ADAT2: variants seen among roughly 807,000 people sequenced by gnomAD.
The protein encoded by ADAT2 is adenosine deaminase tRNA specific 2.
In ADAT2, 26 loss-of-function variants were observed where a neutral mutation model predicts 25.9. The observed-to-expected ratio is 1.00, with a 90% CI of 0.74 to 1.39. The LOEUF (loss-of-function observed/expected upper bound fraction) is 1.39. ADAT2 is among the 40% of genes most tolerant of loss of function. ADAT2 has a pLI of 0.00. For missense variants in ADAT2, 220 were observed against 244.8 expected, an observed-to-expected ratio of 0.90 and a Z score of 0.68; for synonymous variants, 76 against 86.8, an observed-to-expected ratio of 0.88 and a Z score of 0.69.
At position 143,442,463 on chromosome 6, in the gene ADAT2, G is replaced by C. The variant is rs74648879; in HGVS notation, c.97-3769C>G. ...ATACAAAGCTAAACATGACAAAATT[G>C]CATAGGCACGCATACACACACACAC... On this transcript the variant is annotated intron_variant, in intron 1 of 5. Transcript: ENST00000237283. This position sits in a 1 kb window ranked among gnomAD's most constrained non-coding sequence, Gnocchi z 4.6. Among the ~76,000 whole-genome samples the C allele has an allele frequency of 7.7e-6, 1 of 130,206 alleles. No homozygotes were observed. The highest frequency in any genetic ancestry group is 2.9e-5 in the African/African-American group (1 of 34,338). 85.4% of individuals were successfully genotyped at this position (130,206 alleles called of 152,430 possible). A position where few individuals can be genotyped will look rare whatever the true frequency, so the allele number is the denominator to read the frequency against.
Position 143,440,750 on chromosome 6 carries a change from G to T in ADAT2, c.97-2056C>A, listed in dbSNP as rs1250714278. On this transcript the variant is annotated intron_variant, in intron 1 of 5. Transcript: ENST00000237283. This position sits in a 1 kb window ranked among gnomAD's most constrained non-coding sequence, Gnocchi z 4.5. ...GCCAGGAAGAAGACGGACAGTTAAG[G>T]AGAATGGAAATGCTAACTACCAGTG... Among the ~76,000 whole-genome samples, 1 of 152,182 alleles carries T rather than the reference G, an allele frequency of 6.6e-6. No homozygotes were observed. Among genetic ancestry groups the T allele is most frequent in the Admixed American group, 6.5e-5 (1 of 15,280 alleles).
chr6:143,432,515 C>T lies in ADAT2; in HGVS notation c.449G>A (p.Arg150Lys). The change falls in exon 4 of 6, where the codon AGA (arginine) becomes AAA (lysine). Residue 150 changes from arginine to lysine, a missense_variant. By Grantham distance (26) the Arg-to-Lys change is conservative (BLOSUM62 2). Coordinates refer to ENST00000237283, the MANE Select transcript of ADAT2 (RefSeq NM_182503.3). The surrounding 1 kb of genome is among the most constrained non-coding windows in gnomAD (Gnocchi z 4.4). ...AGCAGTTTGTATTACCTGAAATGGTCTCCCAGTGTTTGGTAGGTCAGCAGA... is the reference window on the plus strand; with the variant it reads ...AGCAGTTTGTATTACCTGAAATGGTTTCCCAGTGTTTGGTAGGTCAGCAGA... ...IASADLPNTG[R>K]PFQCIPGYRA... The T allele has an allele frequency of 6.2e-7, 1 of 1,614,008 alleles. No individual in the cohort carries two copies.
chr6:143,425,734 TG>T lies in ADAT2; in HGVS notation c.*2728del, dbSNP rs1329345038. On this transcript the variant is annotated 3_prime_UTR_variant, in exon 6 of 6. Transcript: ENST00000237283. ...GTAAAGGGCCATGGTGTGTTGTGTT[TG>T]TGTGTGTGTGTGTGTGTGTGTGTGT... 48 of 4,604 alleles carry T rather than the reference TG, an allele frequency of 0.01. No homozygotes were observed. Among genetic ancestry groups the T allele is most frequent in the African/African-American group, 0.05 (47 of 934 alleles). The allele number at this position is 4,604 out of a possible 1,614,324, so 0.3% of individuals were successfully genotyped here.
intron 1 of ADAT2, 84 bp from the exon 2 acceptor site, chr6:143,438,778 G>C (rs1779369956): frequency 9.1e-7 from 1 of 1,099,212 alleles, no homozygotes; most frequent in Non-Finnish European, 1.4e-6. Context: ...GCATGAACAA[G>C]ATACACATGT....
At position 143,446,336 on chromosome 6, in the gene ADAT2, C is replaced by T. The variant is rs1779599880; in HGVS notation, c.96+4227G>A. Among the ~76,000 whole-genome samples, 1 of 152,016 alleles carries T rather than the reference C, an allele frequency of 6.6e-6. No individual in the cohort carries two copies. The highest frequency in any genetic ancestry group is 1.5e-5 in the Non-Finnish European group (1 of 68,008). On this transcript the variant is annotated intron_variant, in intron 1 of 5. Transcript: ENST00000237283. The surrounding 1 kb of genome is among the most constrained non-coding windows in gnomAD (Gnocchi z 5.0). ...TTGTAAAGGTTGTACAGTATTTCTC[C>T]TTATGAACATATCTGATTCAACCAA...
rs754159956 is a variant in ADAT2, at chr6:143,425,142, A to C, written c.*3321T>G. The stretch of plus-strand genomic sequence containing the variant: ...AAAAAAGAAGAAGAAAACAGAAAGG[A>C]GGCAAAATGACTGTATTATTTAAAA... On this transcript the variant is annotated 3_prime_UTR_variant, in exon 6 of 6. Coordinates refer to ENST00000237283, the MANE Select transcript of ADAT2 (RefSeq NM_182503.3). 4 of 152,218 alleles carry C rather than the reference A, an allele frequency of 2.6e-5. No homozygotes were observed. Among genetic ancestry groups the C allele is most frequent in the African/African-American group, 4.8e-5 (2 of 41,458 alleles). The allele number at this position is 152,218 out of a possible 1,614,324, so 9.4% of individuals were successfully genotyped here. A position where few individuals can be genotyped will look rare whatever the true frequency, so the allele number is the denominator to read the frequency against.
In ADAT2 at chr6:143,431,034, T is replaced by G. The variant is rs147255814; in HGVS notation, c.459+1471A>C. 1.7e-4 allele frequency among the ~76,000 whole-genome samples: 26 copies of G among 152,304 alleles called. 1 individual carries two copies. In the East Asian group the frequency reaches 4.6e-3, roughly 27 times the overall value. On this transcript the variant is annotated intron_variant, in intron 4 of 5. Transcript: ENST00000237283. ...AGTATCCCACCTCCCAATCACCTGCTGCCTCCTAAGCCCAGACGAATTAAA... is the reference window on the plus strand; with the variant it reads ...AGTATCCCACCTCCCAATCACCTGCGGCCTCCTAAGCCCAGACGAATTAAA...
At position 143,446,063 on chromosome 6, in the gene ADAT2, A is replaced by C. The variant is rs148023904; in HGVS notation, c.96+4500T>G. 0.017 allele frequency among the ~76,000 whole-genome samples: 2,578 copies of C among 151,162 alleles called. 103 individuals are homozygous for C. Among genetic ancestry groups the C allele is most frequent in the South Asian group, 0.072 (346 of 4,810 alleles). ...GGTGGAGAACTTAGCGATTAAAAAA[A>C]AAAAACCTCATGTATCAAAAAAAAA... is the stretch of plus-strand genomic sequence containing the variant. On this transcript the variant is annotated intron_variant, in intron 1 of 5. Coordinates refer to ENST00000237283, the MANE Select transcript of ADAT2 (RefSeq NM_182503.3). The surrounding 1 kb of genome is among the most constrained non-coding windows in gnomAD (Gnocchi z 5.0).
At position 143,442,510 on chromosome 6, in the gene ADAT2, C is replaced by T. The variant is rs972563810; in HGVS notation, c.97-3816G>A. On this transcript the variant is annotated intron_variant, in intron 1 of 5. Transcript: ENST00000237283. The surrounding 1 kb of genome is among the most constrained non-coding windows in gnomAD (Gnocchi z 4.6). ...ACACACACACACACACACACACACACGTACAAATAAAACTGATGACATCTT... is the reference window on the plus strand; with the variant it reads ...ACACACACACACACACACACACACATGTACAAATAAAACTGATGACATCTT... 6.6e-6 allele frequency among the ~76,000 whole-genome samples: 1 copy of T among 150,950 alleles called. No individual in the cohort carries two copies. The highest frequency in any genetic ancestry group is 1.5e-5 in the Non-Finnish European group (1 of 67,718).
At chr6:143,443,170 A>G (rs753676832) in intron 1 of ADAT2, among the ~76,000 whole-genome samples, 2 of 151,926 alleles carry the variant, frequency 1.3e-5, no homozygotes, top group Non-Finnish European at 2.9e-5. Flanking sequence ...ATACATGTAT[A>G]TATCTCTCAC....
intron 1 of ADAT2, among the ~76,000 whole-genome samples, chr6:143,448,948 G>C (rs912504134): frequency 6.6e-6 from 1 of 152,124 alleles, no homozygotes; most frequent in Non-Finnish European, 1.5e-5. Flanking sequence ...TTTTACGTCG[G>C]AAAGTACTTA....
rs1217495728 is a variant in ADAT2, at chr6:143,425,777, G to GTT, written c.*2685_*2686insAA. 7.1e-6 allele frequency: 1 copy of GTT among 141,226 alleles called. No homozygotes were observed. The highest frequency in any genetic ancestry group is 2.0e-4 in the East Asian group (1 of 5,074). 8.7% of individuals were successfully genotyped at this position (141,226 alleles called of 1,614,324 possible). On this transcript the variant is annotated 3_prime_UTR_variant, in exon 6 of 6. Transcript: ENST00000237283. The stretch of plus-strand genomic sequence containing the variant: ...TGTGTGTGTGTGTGTGTGTGTGTGT[G>GTT]TATTTTATATATATATACTTTTCCC...
At position 143,432,544 on chromosome 6, in the gene ADAT2, A is replaced by T; in HGVS notation, c.420T>A (p.Ile140=). 1 of 1,614,232 alleles carries T rather than the reference A, an allele frequency of 6.2e-7. No homozygotes were observed. The highest frequency in any genetic ancestry group is 8.5e-7 in the Non-Finnish European group (1 of 1,180,042). ...CAGTGTTTGGTAGGTCAGCAGAGGC[A>T]ATATTTAGAACAGAGCCACAACCAC... ...RFGGCGSVLN[I]ASADLPNTGR... The change falls in exon 4 of 6, where the codon ATT becomes ATA. Residue 140 remains isoleucine, a synonymous_variant. Transcript: ENST00000237283. The surrounding 1 kb of genome is among the most constrained non-coding windows in gnomAD (Gnocchi z 4.4).
chr6:143,449,329 G>A (rs1469572805), intron 1 of ADAT2, among the ~76,000 whole-genome samples: 1 of 152,178 alleles, frequency 6.6e-6, no homozygotes, highest in Non-Finnish European at 1.5e-5. Flanking sequence ...TGGGATTACA[G>A]GCATGAGCCA....
At chr6:143,441,640 C>G (rs1323089306) in intron 1 of ADAT2, 1 of 152,108 alleles carries the variant, frequency 6.6e-6, no homozygotes, top group East Asian at 1.9e-4. Context: ...GGTATCCTCC[C>G]CATGATCCAA....
In ADAT2 at chr6:143,427,938, A is replaced by G. The variant is rs1215895753; in HGVS notation, c.*525T>C. On this transcript the variant is annotated 3_prime_UTR_variant, in exon 6 of 6. Coordinates refer to ENST00000237283, the MANE Select transcript of ADAT2 (RefSeq NM_182503.3). ...CTTTATAAAAGCAAAGTCTTTTCTAAGGACCATATAATTATGGTCTCTATA... is the reference window on the plus strand; with the variant it reads ...CTTTATAAAAGCAAAGTCTTTTCTAGGGACCATATAATTATGGTCTCTATA... 6.6e-6 allele frequency: 1 copy of G among 152,470 alleles called. No individual in the cohort carries two copies. Among genetic ancestry groups the G allele is most frequent in the African/African-American group, 2.4e-5 (1 of 41,456 alleles). The allele number at this position is 152,470 out of a possible 1,614,324, so 9.4% of individuals were successfully genotyped here. A position where few individuals can be genotyped will look rare whatever the true frequency, so the allele number is the denominator to read the frequency against.
At position 143,434,243 on chromosome 6, in the gene ADAT2, C is replaced by A. The variant is rs745393288; in HGVS notation, c.202-262G>T. 2.0e-5 allele frequency among the ~76,000 whole-genome samples: 3 copies of A among 152,110 alleles called. No homozygotes were observed. The highest frequency in any genetic ancestry group is 4.4e-5 in the Non-Finnish European group (3 of 68,028). On this transcript the variant is annotated intron_variant, in intron 2 of 5. Transcript: ENST00000237283. This position sits in a 1 kb window ranked among gnomAD's most constrained non-coding sequence, Gnocchi z 4.5. Reference sequence around the variant, plus strand: ...AAGTACCTAAGTACCTTAGGGAAAACTCTTTCAATTAAAATGCCATGGAGA... The same window carrying A: ...AAGTACCTAAGTACCTTAGGGAAAAATCTTTCAATTAAAATGCCATGGAGA...
Position 143,446,120 on chromosome 6 carries a change from A to T in ADAT2, c.96+4443T>A, listed in dbSNP as rs1334956780. 6.6e-6 allele frequency among the ~76,000 whole-genome samples: 1 copy of T among 150,878 alleles called. No homozygotes were observed. Among genetic ancestry groups the T allele is most frequent in the Non-Finnish European group, 1.5e-5 (1 of 67,800 alleles). The stretch of plus-strand genomic sequence containing the variant: ...ACTAAGAATCCCAATACCCCAAAAT[A>T]TAATCCCTGTTATTCTGAAGCAACG... On this transcript the variant is annotated intron_variant, in intron 1 of 5. Transcript: ENST00000237283. This position sits in a 1 kb window ranked among gnomAD's most constrained non-coding sequence, Gnocchi z 5.0.
chr6:143,450,373 C>G (rs780044188), intron 1 of ADAT2, among the ~76,000 whole-genome samples, 190 bp downstream of exon 1: 19 of 152,212 alleles, frequency 1.2e-4, no homozygotes, highest in Non-Finnish European at 2.6e-4. Context: ...TCCTCCCCTT[C>G]CTTCGCCCAG....
Sources: gnomAD v4.1 joint callset for allele counts (sites outside exome capture counted in the v4.1 genomes callset) on GRCh38, gnomAD v4.1.1 for gene constraint, Gnocchi (gnomAD v3.1) non-coding constraint, MANE v1.5 for transcripts, NCBI Gene and HGNC (gene_info 2026-07-23, HGNC 2026-07-21) for gene names.